SLC7A5: variants seen among roughly 807,000 people sequenced by gnomAD.
SLC7A5 encodes the protein solute carrier family 7 member 5, also known as large neutral amino acids transporter small subunit 1.
A neutral mutation model predicts 50.2 loss-of-function variants in SLC7A5; 23 were observed. That is an observed-to-expected ratio of 0.46 (90% CI 0.33 to 0.65). SLC7A5 has a LOEUF of 0.65. Among genes scored for constraint, SLC7A5 ranks in the 30% least tolerant of loss-of-function variants. The probability of loss-of-function intolerance (pLI) is 0.02; values close to 1 mark genes in which losing one functional copy is unlikely to be tolerated. For synonymous variants in SLC7A5, 393 were observed against 330.6 expected (o/e 1.19, Z -2.05); for missense variants, 578 against 684.4 (o/e 0.84, Z 1.73).
At chr16:87,850,348 G>A (rs1439759597) in intron 2 of SLC7A5, among the ~76,000 whole-genome samples, 1 of 152,214 alleles carries the variant, frequency 6.6e-6, no homozygotes, top group African/African-American at 2.4e-5. Flanking sequence ...GCATGGGGGC[G>A]GGGCAGCTCA....
intron 7 of SLC7A5, chr16:87,837,359 C>T (rs889636909): frequency 1.0e-5 from 2 of 192,352 alleles, no homozygotes; most frequent in Admixed American, 5.3e-5. Flanking sequence ...GGCACCAGCT[C>T]CCTGAATTCC....
chr16:87,868,208 C>A (rs1355272921), intron 1 of SLC7A5, among the ~76,000 whole-genome samples: 2 of 152,122 alleles, frequency 1.3e-5, no homozygotes, highest in African/African-American at 2.4e-5. Context: ...CAGCACCATG[C>A]CCACCAAAAC....
At chr16:87,844,202 C>G (rs1056951096) in intron 2 of SLC7A5, among the ~76,000 whole-genome samples, 1 of 152,182 alleles carries the variant, frequency 6.6e-6, no homozygotes, top group African/African-American at 2.4e-5. Flanking sequence ...CCCTAAGAGG[C>G]ATCTTCCTCA....
chr16:87,869,358 G>A lies in SLC7A5; in HGVS notation c.65C>T (p.Ala22Val). 1 of 1,608,080 alleles carries A rather than the reference G, an allele frequency of 6.2e-7. No individual in the cohort carries two copies. Among genetic ancestry groups the A allele is most frequent in the Admixed American group, 1.7e-5 (1 of 59,828 alleles). ...CTTGGCGGCCAGCATCTTCTCCCGC[G>A]CCTCTTCCTTCTCCTCGGCCGCCGG... is the stretch of plus-strand genomic sequence containing the variant. ...AAPAAEEKEE[A>V]REKMLAAKSA... Residue 22 changes from alanine to valine, a missense_variant, in exon 1 of 10, where the codon GCG becomes GTG. This residue lies in a region of SLC7A5 where 113 missense variants were observed against 89.8 expected (regional missense o/e 1.26). Transcript: ENST00000261622.
intron 1 of SLC7A5, among the ~76,000 whole-genome samples, chr16:87,868,322 A>G (rs2055489247): frequency 6.6e-6 from 1 of 152,014 alleles, no homozygotes; most frequent in Admixed American, 6.6e-5. Flanking sequence ...ACTACTGGGA[A>G]CCCTCAGGGG....
chr16:87,854,912 C>A (rs1196902972), intron 1 of SLC7A5, among the ~76,000 whole-genome samples: 1 of 152,364 alleles, frequency 6.6e-6, no homozygotes, highest in Middle Eastern at 3.4e-3. Flanking sequence ...TGTGTCTCCA[C>A]CACCCTTCAG....
At chr16:87,847,486 C>T (rs1254257233) in intron 2 of SLC7A5, among the ~76,000 whole-genome samples, 1 of 152,196 alleles carries the variant, frequency 6.6e-6, no homozygotes, top group African/African-American at 2.4e-5. Flanking sequence ...TTCAAGGAAG[C>T]TCAGTGAAGC....
intron 1 of SLC7A5, among the ~76,000 whole-genome samples, chr16:87,854,957 T>C (rs2055296598): frequency 6.6e-6 from 1 of 152,142 alleles, no homozygotes; most frequent in African/African-American, 2.4e-5. Flanking sequence ...CATCTTCGGG[T>C]GGGCATTGAC....
In SLC7A5 at chr16:87,869,453, C is replaced by T. The variant is rs566703600; in HGVS notation, c.-31G>A. 15 of 1,348,630 alleles carry T rather than the reference C, an allele frequency of 1.1e-5. No homozygotes were observed. In the Admixed American group the frequency reaches 2.4e-4, roughly 22 times the overall value. 83.5% of individuals were successfully genotyped at this position (1,348,630 alleles called of 1,614,324 possible). A position where few individuals can be genotyped will look rare whatever the true frequency, so the allele number is the denominator to read the frequency against. On this transcript the variant is annotated 5_prime_UTR_variant, in exon 1 of 10. Transcript: ENST00000261622. ...GCGCACCGGCCGGGCCTGGGACACC[C>T]GGGAGCCGCGGCCCAGCGAGCAGTG...
intron 2 of SLC7A5, among the ~76,000 whole-genome samples, chr16:87,847,606 G>A (rs779794191): frequency 6.6e-6 from 1 of 152,158 alleles, no homozygotes; most frequent in Non-Finnish European, 1.5e-5. Flanking sequence ...GACACCCCAC[G>A]TGAACCTCCC....
intron 7 of SLC7A5, 113 bp downstream of exon 7, chr16:87,837,732 A>G: frequency 2.4e-6 from 2 of 818,926 alleles, no homozygotes; most frequent in Non-Finnish European, 4.0e-6. Flanking sequence ...GCCACATTTG[A>G]GCTGTCACCC....
rs781123466 is a variant in SLC7A5, at chr16:87,862,484, G to A, written c.538+6401C>T. Among the ~76,000 whole-genome samples the A allele has an allele frequency of 3.3e-5, 5 of 152,248 alleles. No homozygotes were observed. Among genetic ancestry groups the A allele is most frequent in the East Asian group, 1.9e-4 (1 of 5,208 alleles). On this transcript the variant is annotated intron_variant, in intron 1 of 9. Coordinates refer to ENST00000261622, the MANE Select transcript of SLC7A5 (RefSeq NM_003486.7). This position sits in a 1 kb window ranked among gnomAD's most constrained non-coding sequence, Gnocchi z 5.3. ...CCCCGACCCTGGGCCTGTGCCGAGC[G>A]TGGGTGGGTGACATCATCTCGCACC... is the stretch of plus-strand genomic sequence containing the variant.
In SLC7A5 at chr16:87,853,398, G is replaced by C. The variant is rs949935075; in HGVS notation, c.539-1549C>G. 6.6e-6 allele frequency among the ~76,000 whole-genome samples: 1 copy of C among 152,198 alleles called. No individual in the cohort carries two copies. Among genetic ancestry groups the C allele is most frequent in the Non-Finnish European group, 1.5e-5 (1 of 68,042 alleles). On this transcript the variant is annotated intron_variant, in intron 1 of 9. Coordinates refer to ENST00000261622, the MANE Select transcript of SLC7A5 (RefSeq NM_003486.7). This position sits in a 1 kb window ranked among gnomAD's most constrained non-coding sequence, Gnocchi z 4.4. ...AGGAAAGTCTGGTTGAAAAATGTCT[G>C]AAAGTCAGTGTTTTCGCTGCTATTC...
intron 2 of SLC7A5, among the ~76,000 whole-genome samples, chr16:87,847,181 G>A (rs1252337728): frequency 2.0e-5 from 3 of 152,180 alleles, no homozygotes; most frequent in Admixed American, 6.5e-5. Context: ...CACAGCCCAG[G>A]GGGGCTTCTC....
chr16:87,868,065 G>A (rs2055485259), intron 1 of SLC7A5, among the ~76,000 whole-genome samples: 1 of 148,202 alleles, frequency 6.7e-6, no homozygotes, highest in African/African-American at 2.5e-5. Context: ...GCGGTGAGCC[G>A]AGATCGTGCC....
At position 87,834,500 on chromosome 16, in the gene SLC7A5, C is replaced by T; in HGVS notation, c.1382G>A (p.Gly461Asp). 5.0e-6 allele frequency: 8 copies of T among 1,588,014 alleles called. No homozygotes were observed. Among genetic ancestry groups the T allele is most frequent in the Non-Finnish European group, 6.8e-6 (8 of 1,168,322 alleles). The stretch of plus-strand genomic sequence containing the variant: ...CAGCCCGCTGAGGATGATGGTGAAG[C>T]CGATGCCACACTCCACGGGTGTCTT... ...FWKTPVECGI[G>D]FTIILSGLPV... The change falls in exon 9 of 10, where the codon GGC becomes GAC. Residue 461 changes from glycine to aspartate, a missense_variant. Physicochemically the swap from Gly to Asp is moderately conservative, Grantham distance 94. Transcript: ENST00000261622.
rs936695425 is a variant in SLC7A5, at chr16:87,853,111, T to A, written c.539-1262A>T. On this transcript the variant is annotated intron_variant, in intron 1 of 9. Coordinates refer to ENST00000261622, the MANE Select transcript of SLC7A5 (RefSeq NM_003486.7). The surrounding 1 kb of genome is among the most constrained non-coding windows in gnomAD (Gnocchi z 4.4). Reference sequence around the variant, plus strand: ...AGAAAGGCCGTGGGCTCCTCTTCTCTCTTTCCCCTTGGGAGTAACGCTCAG... The same window carrying A: ...AGAAAGGCCGTGGGCTCCTCTTCTCACTTTCCCCTTGGGAGTAACGCTCAG... 6.6e-6 allele frequency among the ~76,000 whole-genome samples: 1 copy of A among 152,200 alleles called. No individual in the cohort carries two copies. The highest frequency in any genetic ancestry group is 1.5e-5 in the Non-Finnish European group (1 of 68,038).
At chr16:87,839,993 T>C (rs957237433) in intron 4 of SLC7A5, among the ~76,000 whole-genome samples, 168 bp from the exon 5 acceptor site, 1 of 152,168 alleles carries the variant, frequency 6.6e-6, no homozygotes, top group Non-Finnish European at 1.5e-5. Context: ...GGCAGGAGGC[T>C]GTGCCTGGAG....
rs550601868 is a variant in SLC7A5, at chr16:87,836,781, C to T, written c.1141-134G>A. 6 of 825,970 alleles carry T rather than the reference C, an allele frequency of 7.3e-6. No individual in the cohort carries two copies. In the East Asian group the frequency reaches 1.6e-4, roughly 22 times the overall value. 51.2% of individuals were successfully genotyped at this position (825,970 alleles called of 1,614,324 possible). On this transcript the variant is annotated intron_variant, in intron 7 of 9. Coordinates refer to ENST00000261622, the MANE Select transcript of SLC7A5 (RefSeq NM_003486.7). The stretch of plus-strand genomic sequence containing the variant: ...AGGGAATTTTGTTTTAAAGGAGAAA[C>T]CTCATCTGAGCAACATGCAAGGTCT...
Sources: allele counts gnomAD v4.1 joint callset (sites outside exome capture counted in the v4.1 genomes callset), GRCh38; gene constraint gnomAD v4.1.1; regional missense constraint gnomAD v4.1.1; non-coding constraint Gnocchi (gnomAD v3.1); transcripts MANE v1.5; gene names NCBI Gene and HGNC (gene_info 2026-07-23, HGNC 2026-07-21).